The following COX7B2 variants were observed in gnomAD, a reference collection of about 807,000 sequenced individuals.
COX7B2 encodes the protein cytochrome c oxidase subunit 7B2, also known as cytochrome c oxidase subunit 7B2, mitochondrial.
For synonymous variants in COX7B2, 37 were observed against 32.1 expected (o/e 1.15, Z -0.51); for missense variants, 109 against 95.9 (o/e 1.14, Z -0.57).
intron 1 of COX7B2, among the ~76,000 whole-genome samples, chr4:46,895,351 G>A (rs534079626): frequency 6.6e-6 from 1 of 152,104 alleles, no homozygotes; most frequent in South Asian, 2.1e-4. Context: ...ACATGTTTGG[G>A]GCTGGAGGCT....
intron 2 of COX7B2, among the ~76,000 whole-genome samples, chr4:46,816,419 C>A (rs1241210315): frequency 6.6e-6 from 1 of 152,150 alleles, no homozygotes; most frequent in Non-Finnish European, 1.5e-5. Context: ...TTCCAACCAT[C>A]CTTAAACCTG....
At chr4:46,874,001 T>C (rs1718167656) in intron 1 of COX7B2, among the ~76,000 whole-genome samples, 1 of 152,198 alleles carries the variant, frequency 6.6e-6, no homozygotes, top group African/African-American at 2.4e-5. Context: ...GAGACTGAAA[T>C]TGATGTCCAA....
At chr4:46,880,205 T>A (rs1471211724) in intron 1 of COX7B2, among the ~76,000 whole-genome samples, 1 of 152,182 alleles carries the variant, frequency 6.6e-6, no homozygotes, top group Non-Finnish European at 1.5e-5. Context: ...TTTGCATCAA[T>A]GTACATAAAA....
At chr4:46,845,237 T>G (rs568451024) in intron 1 of COX7B2, among the ~76,000 whole-genome samples, 1 of 151,920 alleles carries the variant, frequency 6.6e-6, no homozygotes, top group South Asian at 2.1e-4. Flanking sequence ...TGTTTTCCAA[T>G]AGTGGTAGAG....
Position 46,735,101 on chromosome 4 carries a change from G to C in COX7B2, c.92C>G (p.Ser31Ter). The change falls in exon 3 of 3, where the codon TCA (serine) becomes TGA (stop). Residue 31 changes from serine (S) to a stop codon, truncating the protein, a stop_gained. Transcript: ENST00000355591. LOFTEE classifies it low-confidence loss of function (END_TRUNC). ...ACCATATTTATCATGAAAATCTGGT[G>C]AGTGTTTTACATGGCTATGTCTTGC... The part of the protein sequence containing the change: ...SMARHSHVKH[S>*]PDFHDKYGNA... 1 of 1,614,004 alleles carries C rather than the reference G, an allele frequency of 6.2e-7. No individual in the cohort carries two copies. Among genetic ancestry groups the C allele is most frequent in the Non-Finnish European group, 8.5e-7 (1 of 1,179,928 alleles).
At chr4:46,833,236 A>G (rs1215988086) in intron 2 of COX7B2, among the ~76,000 whole-genome samples, 1 of 152,132 alleles carries the variant, frequency 6.6e-6, no homozygotes, top group Non-Finnish European at 1.5e-5. Flanking sequence ...ATTATAAATT[A>G]CCCAACCTCA....
At chr4:46,770,864 T>G (rs968017545) in intron 2 of COX7B2, among the ~76,000 whole-genome samples, 9 of 152,088 alleles carry the variant, frequency 5.9e-5, no homozygotes, top group Non-Finnish European at 8.8e-5. Flanking sequence ...CCGGAAACTG[T>G]AAAACTACTA....
chr4:46,841,245 A>G (rs190880988), intron 2 of COX7B2, among the ~76,000 whole-genome samples: 55 of 151,914 alleles, frequency 3.6e-4, no homozygotes, highest in African/African-American at 1.2e-3. Flanking sequence ...AACTATTCCA[A>G]TTGTTCAAAG....
At chr4:46,746,148 G>C (rs766527802) in intron 2 of COX7B2, among the ~76,000 whole-genome samples, 3 of 152,108 alleles carry the variant, frequency 2.0e-5, no homozygotes, top group Non-Finnish European at 4.4e-5. Flanking sequence ...GAAAGACCTA[G>C]AGATCACTTT....
intron 1 of COX7B2, among the ~76,000 whole-genome samples, chr4:46,852,214 T>C (rs1716733868): frequency 6.6e-6 from 1 of 152,112 alleles, no homozygotes; most frequent in Admixed American, 6.6e-5. Context: ...GAGCATTTTG[T>C]TTTATTCTGG....
rs745637190 is a variant in COX7B2 at position 46,735,217 on chromosome 4, A to G, written c.-25T>C. ...TGAAGGATTGCAGTTGCCTTCAGCT[A>G]CTGGTCTATTTTGTTGCAAAGAGGC... On this transcript the variant is annotated 5_prime_UTR_variant, in exon 3 of 3. Coordinates refer to ENST00000355591, the MANE Select transcript of COX7B2 (RefSeq NM_130902.3). The G allele has an allele frequency of 2.5e-6, 4 of 1,612,254 alleles. No individual in the cohort carries two copies. The highest frequency in any genetic ancestry group is 1.7e-5 in the Admixed American group (1 of 59,378).
chr4:46,902,232 A>G (rs1282721340), intron 1 of COX7B2, among the ~76,000 whole-genome samples: 1 of 152,188 alleles, frequency 6.6e-6, no homozygotes, highest in Non-Finnish European at 1.5e-5. Context: ...ATCCCAAGAA[A>G]AAAAGGAGGA....
intron 2 of COX7B2, among the ~76,000 whole-genome samples, chr4:46,787,257 G>A (rs960946539): frequency 2.6e-5 from 4 of 152,110 alleles, no homozygotes; most frequent in Admixed American, 2.0e-4. Flanking sequence ...AGACCAGCCC[G>A]ACCAATATGG....
chr4:46,816,389 A>C (rs925773004), intron 2 of COX7B2, among the ~76,000 whole-genome samples: 1 of 152,138 alleles, frequency 6.6e-6, no homozygotes, highest in Non-Finnish European at 1.5e-5. Context: ...ATGGCCACTA[A>C]AATGCGACCA....
chr4:46,883,776 TAAA>T (rs112798647), intron 1 of COX7B2, among the ~76,000 whole-genome samples: 5 of 145,084 alleles, frequency 3.4e-5, no homozygotes, highest in African/African-American at 1.0e-4. Flanking sequence ...AATAAACCTT[TAAA>T]AAAAAAAAAA....
chr4:46,739,328 ACAAAC>A (rs975971065), intron 2 of COX7B2, among the ~76,000 whole-genome samples: 4 of 151,778 alleles, frequency 2.6e-5, no homozygotes, highest in South Asian at 2.1e-4. Context: ...AAATGATCAA[ACAAAC>A]CAAACCAAAC....
chr4:46,895,711 T>A (rs975210202), intron 1 of COX7B2, among the ~76,000 whole-genome samples: 1 of 152,180 alleles, frequency 6.6e-6, no homozygotes, highest in Non-Finnish European at 1.5e-5. Context: ...GTTATTTTCA[T>A]GTGTAATTAC....
At chr4:46,908,396 A>T (rs1167982091) in intron 1 of COX7B2, among the ~76,000 whole-genome samples, 1 of 152,156 alleles carries the variant, frequency 6.6e-6, no homozygotes, top group African/African-American at 2.4e-5. Flanking sequence ...TCCTGGTCAG[A>T]TTTTGTTTGC....
chr4:46,835,525 A>G (rs1372962264), intron 2 of COX7B2, among the ~76,000 whole-genome samples: 3 of 152,122 alleles, frequency 2.0e-5, no homozygotes, highest in African/African-American at 7.2e-5. Flanking sequence ...TTGGGACAGT[A>G]AGCAGGCCTA....
Sources: gnomAD v4.1 joint callset for allele counts (sites outside exome capture counted in the v4.1 genomes callset) on GRCh38, gnomAD v4.1.1 for gene constraint, MANE v1.5 for transcripts, NCBI Gene and HGNC (gene_info 2026-07-23, HGNC 2026-07-21) for gene names.